Variants in SFXN5 observed in about 807,000 individuals in gnomAD.
SFXN5 encodes sideroflexin 5, also known as sideroflexin-5.
SFXN5 carries 43 observed loss-of-function variants against 50.2 expected under a neutral mutation model. That is an observed-to-expected ratio of 0.86 (90% CI 0.67 to 1.11). The LOEUF (loss-of-function observed/expected upper bound fraction) is 1.11. Ranked by LOEUF, SFXN5 falls within the 50% of genes least tolerant of loss-of-function variation. The pLI, the probability that SFXN5 is intolerant of heterozygous loss-of-function variation, is 0.00. For missense variants in SFXN5, 463 were observed against 454.1 expected (o/e 1.02, Z -0.18); for synonymous variants, 203 against 185.8 (o/e 1.09, Z -0.75).
At chr2:73,065,383 G>A (rs1683098846) in intron 1 of SFXN5, among the ~76,000 whole-genome samples, 1 of 152,100 alleles carries the variant, frequency 6.6e-6, no homozygotes, top group Admixed American at 6.5e-5. Context: ...TTACAGGCAT[G>A]AGCCAACTGC....
chr2:72,967,731 C>A (rs1350407706), intron 12 of SFXN5, among the ~76,000 whole-genome samples: 6 of 152,146 alleles, frequency 3.9e-5, no homozygotes, highest in East Asian at 1.9e-4. Flanking sequence ...TCTGTAACTC[C>A]AGGCCCCCTC....
chr2:72,975,516 C>G (rs1670531237), intron 10 of SFXN5, among the ~76,000 whole-genome samples: 1 of 152,186 alleles, frequency 6.6e-6, no homozygotes, highest in African/African-American at 2.4e-5. Flanking sequence ...GGAAAATAAA[C>G]TACCATAACT....
chr2:73,002,804 A>AT (rs990217253), intron 6 of SFXN5, among the ~76,000 whole-genome samples: 32 of 150,748 alleles, frequency 2.1e-4, no homozygotes, highest in African/African-American at 5.6e-4. Context: ...TCCCAACTTG[A>AT]TTTTTTTTTT....
At chr2:72,949,189 A>G (rs1439642535) in intron 13 of SFXN5, among the ~76,000 whole-genome samples, 1 of 152,158 alleles carries the variant, frequency 6.6e-6, no homozygotes, top group Non-Finnish European at 1.5e-5. Flanking sequence ...TTGGACTTGG[A>G]AATGTGGCAG....
intron 12 of SFXN5, among the ~76,000 whole-genome samples, chr2:72,962,521 C>G (rs1673862415): frequency 1.3e-5 from 2 of 152,258 alleles, no homozygotes; most frequent in South Asian, 4.1e-4. Flanking sequence ...CCATGAAAGC[C>G]TGATTCAGTG....
chr2:73,016,620 G>A (rs916971163), intron 6 of SFXN5, among the ~76,000 whole-genome samples: 4 of 152,250 alleles, frequency 2.6e-5, no homozygotes, highest in Non-Finnish European at 4.4e-5. Context: ...CAGGAGAATC[G>A]CTTGAACCTG....
At chr2:72,982,506 T>C (rs998648267) in intron 10 of SFXN5, among the ~76,000 whole-genome samples, 9 of 152,232 alleles carry the variant, frequency 5.9e-5, no homozygotes, top group African/African-American at 2.2e-4. Context: ...TAAACCCACA[T>C]TGAGCACTGA....
rs541219869 is a variant in SFXN5 at position 73,004,514 on chromosome 2, G to A, written c.358-2936C>T. The stretch of plus-strand genomic sequence containing the variant: ...AACAGGAGTTTAGGAAGGGAGGGGT[G>A]AGTGTGTCCCGGCTATCTAACGAAG... On this transcript the variant is annotated intron_variant, in intron 6 of 13. Coordinates refer to ENST00000272433, the MANE Select transcript of SFXN5 (RefSeq NM_144579.3). Among the ~76,000 whole-genome samples the A allele has an allele frequency of 1.4e-4, 22 of 152,288 alleles. No individual in the cohort carries two copies. In the South Asian group the frequency reaches 3.9e-3, roughly 27 times the overall value.
Position 72,943,227 on chromosome 2 carries a change from A to T in SFXN5, c.*1795T>A, listed in dbSNP as rs1357760407. ...CAGCTGGTGGGCACCAGCGGCTGGC[A>T]GAGAGGCAACGGCCATGCCCATGGA... On this transcript the variant is annotated 3_prime_UTR_variant, in exon 14 of 14. Transcript: ENST00000272433. 1.3e-5 allele frequency: 2 copies of T among 152,270 alleles called. No individual in the cohort carries two copies. The highest frequency in any genetic ancestry group is 4.8e-5 in the African/African-American group (2 of 41,454). The allele number at this position is 152,270 out of a possible 1,614,324, so 9.4% of individuals were successfully genotyped here.
At chr2:72,971,968 TCTC>T (rs951667899) in intron 10 of SFXN5, among the ~76,000 whole-genome samples, 2 of 152,140 alleles carry the variant, frequency 1.3e-5, no homozygotes, top group African/African-American at 4.8e-5. Flanking sequence ...GCTGCTTTCC[TCTC>T]CTCCAGGGCA....
At chr2:72,974,715 T>C (rs1275266194) in intron 10 of SFXN5, among the ~76,000 whole-genome samples, 2 of 152,210 alleles carry the variant, frequency 1.3e-5, no homozygotes, top group African/African-American at 4.8e-5. Context: ...AGTGATTTCA[T>C]TTCCATGAGC....
At chr2:72,978,976 C>T (rs565928109) in intron 10 of SFXN5, among the ~76,000 whole-genome samples, 1 of 152,260 alleles carries the variant, frequency 6.6e-6, no homozygotes, top group South Asian at 2.1e-4. Context: ...CCTAAATGTC[C>T]CCAATTAATC....
Position 72,945,185 on chromosome 2 carries a change from G to T in SFXN5, c.946-86C>A. The T allele has an allele frequency of 7.7e-7, 1 of 1,300,184 alleles. No individual in the cohort carries two copies. The highest frequency in any genetic ancestry group is 1.1e-6 in the Non-Finnish European group (1 of 915,334). 80.5% of individuals were successfully genotyped at this position (1,300,184 alleles called of 1,614,324 possible). ...GGAGCTGCAGTGAGGACCACCCTGG[G>T]CCCCAGAGCTCTGCCCCCTGCACCC... On this transcript the variant is annotated intron_variant, in intron 13 of 13. Transcript: ENST00000272433. The surrounding 1 kb of genome is among the most constrained non-coding windows in gnomAD (Gnocchi z 5.8).
chr2:73,062,776 A>C (rs1682910316), intron 1 of SFXN5, among the ~76,000 whole-genome samples: 2 of 152,224 alleles, frequency 1.3e-5, no homozygotes, highest in Admixed American at 6.5e-5. Flanking sequence ...CTGGGGACAC[A>C]CAGAGTTCTT....
intron 3 of SFXN5, among the ~76,000 whole-genome samples, chr2:73,035,936 C>T (rs1190727744): frequency 6.6e-6 from 1 of 152,210 alleles, no homozygotes; most frequent in African/African-American, 2.4e-5. Context: ...GGTGTTGTAC[C>T]TGGAGGTCAG....
chr2:73,002,924 C>T (rs1674103858), intron 6 of SFXN5, among the ~76,000 whole-genome samples: 1 of 152,214 alleles, frequency 6.6e-6, no homozygotes, highest in African/African-American at 2.4e-5. Context: ...CTTTGGGGCA[C>T]TAACTTTCTT....
intron 1 of SFXN5, among the ~76,000 whole-genome samples, chr2:73,066,732 G>T (rs768068268): frequency 3.3e-5 from 5 of 151,002 alleles, no homozygotes; most frequent in Non-Finnish European, 7.4e-5. Flanking sequence ...AGGCATGGTG[G>T]CTCATGCCTG....
At chr2:73,056,138 A>T (rs1331898879) in intron 2 of SFXN5, among the ~76,000 whole-genome samples, 1 of 151,992 alleles carries the variant, frequency 6.6e-6, no homozygotes, top group Non-Finnish European at 1.5e-5. Context: ...ACCTTATCTC[A>T]AAAAATAAAT....
At chr2:72,991,648 T>C (rs1227868015) in intron 9 of SFXN5, among the ~76,000 whole-genome samples, 2 of 152,348 alleles carry the variant, frequency 1.3e-5, no homozygotes, top group Admixed American at 1.3e-4. Flanking sequence ...GACCAGGGGT[T>C]AGGAGCCCGT....
Sources: gnomAD v4.1 joint callset for allele counts (sites outside exome capture counted in the v4.1 genomes callset) on GRCh38, gnomAD v4.1.1 for gene constraint, Gnocchi (gnomAD v3.1) non-coding constraint, MANE v1.5 for transcripts, NCBI Gene and HGNC (gene_info 2026-07-23, HGNC 2026-07-21) for gene names.